BANK1: variants seen among roughly 807,000 people sequenced by gnomAD.
BANK1 encodes the protein B-cell scaffold protein with ankyrin repeats.
A neutral mutation model predicts 94.5 loss-of-function variants in BANK1; 95 were observed. The ratio of observed to expected loss-of-function variants is 1.00; its 90% confidence interval spans 0.85 to 1.19. The LOEUF is 1.19. BANK1 is among the 50% of genes most tolerant of loss of function. The probability of loss-of-function intolerance (pLI) is 0.00; values close to 1 mark genes in which losing one functional copy is unlikely to be tolerated. For missense variants in BANK1, 987 were observed against 932.2 expected (o/e 1.06, Z -0.77); for synonymous variants, 334 against 308.4 (o/e 1.08, Z -0.87).
intron 7 of BANK1, among the ~76,000 whole-genome samples, chr4:101,936,949 G>A (rs750318219): frequency 6.6e-6 from 1 of 151,334 alleles, no homozygotes; most frequent in Non-Finnish European, 1.5e-5. Flanking sequence ...CAGCAATCCC[G>A]CTGGATCCCA....
At chr4:102,072,121 T>A (rs1419330666) in intron 14 of BANK1, among the ~76,000 whole-genome samples, 1 of 152,200 alleles carries the variant, frequency 6.6e-6, no homozygotes, top group Non-Finnish European at 1.5e-5. Context: ...CTCAAGTGAC[T>A]CCTGTAGGTC....
intron 2 of BANK1, among the ~76,000 whole-genome samples, chr4:101,837,768 G>C (rs1333642395): frequency 6.6e-6 from 1 of 152,092 alleles, no homozygotes; most frequent in Non-Finnish European, 1.5e-5. Context: ...CTAGGCAGCA[G>C]ACTGTAATTA....
chr4:101,986,510 GGATGA>G (rs1425087488), intron 7 of BANK1, among the ~76,000 whole-genome samples: 1 of 151,820 alleles, frequency 6.6e-6, no homozygotes, highest in Non-Finnish European at 1.5e-5. Context: ...TTAAAAATAT[GGATGA>G]TAATTTATCT....
chr4:102,039,336 T>G (rs1450937157), intron 10 of BANK1, among the ~76,000 whole-genome samples: 2 of 152,114 alleles, frequency 1.3e-5, no homozygotes, highest in Admixed American at 1.3e-4. Flanking sequence ...TCTGTCTTGG[T>G]GAATTTGCAA....
At chr4:102,053,942 A>G (rs2148960762) in intron 11 of BANK1, among the ~76,000 whole-genome samples, 1 of 152,032 alleles carries the variant, frequency 6.6e-6, no homozygotes, top group Admixed American at 6.6e-5. Context: ...AAATTCCTTC[A>G]TATATATGTA....
In BANK1 at chr4:101,817,672, C is replaced by T. The variant is rs574160820; in HGVS notation, c.71-12136C>T. 4.0e-4 allele frequency among the ~76,000 whole-genome samples: 60 copies of T among 150,396 alleles called. 1 individual carries two copies. The highest frequency in any genetic ancestry group is 5.8e-4 in the Non-Finnish European group (39 of 67,618). The stretch of plus-strand genomic sequence containing the variant: ...GTAACAAACCTGCACATCTCGCACA[C>T]GTGCCCCTGAACTTAAAAGTTGGAA... On this transcript the variant is annotated intron_variant, in intron 1 of 16. Coordinates refer to ENST00000322953, the MANE Select transcript of BANK1 (RefSeq NM_017935.5).
chr4:101,813,379 A>T (rs540556195), intron 1 of BANK1, among the ~76,000 whole-genome samples: 99 of 152,272 alleles, frequency 6.5e-4, no homozygotes, highest in African/African-American at 2.2e-3. Flanking sequence ...CTTTTTTCAC[A>T]TTAGCAAAAC....
chr4:102,013,310 A>G (rs1726571996), intron 7 of BANK1, among the ~76,000 whole-genome samples: 1 of 152,018 alleles, frequency 6.6e-6, no homozygotes, highest in South Asian at 2.1e-4. Context: ...GGAATGAAAC[A>G]CCCTTCTGAG....
intron 5 of BANK1, among the ~76,000 whole-genome samples, chr4:101,882,807 T>G (rs1339324492): frequency 6.6e-6 from 1 of 151,366 alleles, no homozygotes; most frequent in African/African-American, 2.5e-5. Flanking sequence ...CTCTCTATTC[T>G]GGAAGATCGA....
chr4:102,043,393 T>G (rs938755161), intron 10 of BANK1, among the ~76,000 whole-genome samples: 7 of 152,066 alleles, frequency 4.6e-5, no homozygotes. Flanking sequence ...TCTTTTTTAT[T>G]ATTACATCTC....
chr4:101,919,448 A>G (rs1328950102), intron 7 of BANK1, among the ~76,000 whole-genome samples: 1 of 152,012 alleles, frequency 6.6e-6, no homozygotes, highest in Non-Finnish European at 1.5e-5. Flanking sequence ...CATAATGATG[A>G]CAGTAGATAT....
intron 6 of BANK1, among the ~76,000 whole-genome samples, chr4:101,906,683 G>A (rs184504336): frequency 5.3e-5 from 8 of 152,192 alleles, no homozygotes; most frequent in Admixed American, 1.3e-4. Context: ...AAAGTGAAAC[G>A]AACCAGACCC....
chr4:101,905,025 C>T (rs975227476), intron 6 of BANK1, among the ~76,000 whole-genome samples: 1 of 152,196 alleles, frequency 6.6e-6, no homozygotes, highest in South Asian at 2.1e-4. Flanking sequence ...GCTTCCAAAT[C>T]CTCCTGTTCG....
intron 6 of BANK1, among the ~76,000 whole-genome samples, chr4:101,908,686 C>A (rs1299340191): frequency 1.3e-5 from 2 of 152,116 alleles, no homozygotes; most frequent in African/African-American, 2.4e-5. Flanking sequence ...CCAGAATCTA[C>A]AATGAACTCA....
At chr4:101,820,315 T>C (rs1286583575) in intron 1 of BANK1, among the ~76,000 whole-genome samples, 1 of 152,140 alleles carries the variant, frequency 6.6e-6, no homozygotes, top group Non-Finnish European at 1.5e-5. Flanking sequence ...GAGTATTAAA[T>C]CGTTTTTTGT....
At chr4:101,819,424 G>T (rs890606929) in intron 1 of BANK1, among the ~76,000 whole-genome samples, 2 of 152,088 alleles carry the variant, frequency 1.3e-5, no homozygotes, top group Non-Finnish European at 2.9e-5. Context: ...AGCAACTTAA[G>T]TAAGTTTTTG....
chr4:101,892,501 A>C (rs7663733), intron 5 of BANK1, among the ~76,000 whole-genome samples: 13,393 of 151,234 alleles, frequency 0.089, 881 homozygotes, highest in African/African-American at 0.18. Context: ...TTGTCAATAA[A>C]TACAGATGCA....
At position 101,998,611 on chromosome 4, in the gene BANK1, A is replaced by G. The variant is rs143642298; in HGVS notation, c.1207-22903A>G. Among the ~76,000 whole-genome samples the G allele has an allele frequency of 4.3e-3, 650 of 152,274 alleles. 9 individuals are homozygous for G. The highest frequency in any genetic ancestry group is 0.015 in the African/African-American group (638 of 41,554). ...ATCTGGGTGCTCCTGTAGTGGGTGC[A>G]TGTATATTTAGGATTGTTAGTTCTT... On this transcript the variant is annotated intron_variant, in intron 7 of 16. Transcript: ENST00000322953.
In BANK1 at chr4:101,862,523, C is replaced by T. The variant is rs1247813130; in HGVS notation, c.625-3C>T. ...TTAAATGGGTTACATTTTCATCTTACAGAATCCTGGTGAAATATTCATAAT... is the reference window on the plus strand; with the variant it reads ...TTAAATGGGTTACATTTTCATCTTATAGAATCCTGGTGAAATATTCATAAT... On this transcript the variant is annotated splice_polypyrimidine_tract_variant and splice_region_variant and intron_variant, in intron 3 of 16. Transcript: ENST00000322953. The T allele has an allele frequency of 1.9e-6, 3 of 1,594,948 alleles. No homozygotes were observed. Among genetic ancestry groups the T allele is most frequent in the Non-Finnish European group, 2.6e-6 (3 of 1,172,766 alleles).
Sources: gnomAD v4.1 joint callset for allele counts (sites outside exome capture counted in the v4.1 genomes callset) on GRCh38, gnomAD v4.1.1 for gene constraint, MANE v1.5 for transcripts, NCBI Gene and HGNC (gene_info 2026-07-23, HGNC 2026-07-21) for gene names.